Variants in C6orf118 observed in about 807,000 individuals in gnomAD.
C6orf118 encodes the protein uncharacterized protein C6orf118.
A neutral mutation model predicts 50.2 loss-of-function variants in C6orf118; 50 were observed. The observed-to-expected ratio is 1.00, with a 90% CI of 0.79 to 1.26. The LOEUF is 1.26. C6orf118 is among the 50% of genes most tolerant of loss of function. The probability of loss-of-function intolerance (pLI) is 0.00; values close to 1 mark genes in which losing one functional copy is unlikely to be tolerated. For synonymous variants in C6orf118, 239 were observed against 230.9 expected (o/e 1.03, Z -0.32); for missense variants, 641 against 578.7 (o/e 1.11, Z -1.10).
intron 4 of C6orf118, among the ~76,000 whole-genome samples, 193 bp from the exon 5 acceptor site, chr6:165,298,294 G>A (rs953467594): frequency 3.3e-5 from 5 of 152,130 alleles, no homozygotes; most frequent in African/African-American, 9.7e-5. Context: ...TGAAGTTCCC[G>A]GTAAAATACC....
rs1780536869 is a variant in C6orf118, at chr6:165,301,554, G to A, written c.753+15C>T. The stretch of plus-strand genomic sequence containing the variant: ...GAGCTCTTCCCTGAGACCACCGCAG[G>A]GCTGCCCTCCTCACCTGCTGCAGCT... On this transcript the variant is annotated intron_variant, in intron 2 of 8. Coordinates refer to ENST00000230301, the MANE Select transcript of C6orf118 (RefSeq NM_144980.4). The A allele has an allele frequency of 6.2e-7, 1 of 1,602,258 alleles. No homozygotes were observed. The highest frequency in any genetic ancestry group is 1.1e-5 in the South Asian group (1 of 89,264).
intron 5 of C6orf118, among the ~76,000 whole-genome samples, chr6:165,297,079 T>C (rs1583017148): frequency 1.3e-5 from 2 of 152,122 alleles, no homozygotes; most frequent in Non-Finnish European, 2.9e-5. Flanking sequence ...CAAAGCTCCA[T>C]CAGGGGAGGG....
intron 1 of C6orf118, among the ~76,000 whole-genome samples, chr6:165,307,994 C>G (rs1239768418): frequency 4.6e-5 from 7 of 152,216 alleles, no homozygotes; most frequent in Admixed American, 1.3e-4. Context: ...TCTGTTGCCC[C>G]ACGCTGCACT....
At chr6:165,280,641 T>C (rs569494318) in intron 8 of C6orf118, among the ~76,000 whole-genome samples, 1 of 152,306 alleles carries the variant, frequency 6.6e-6, no homozygotes, top group African/African-American at 2.4e-5. Flanking sequence ...GCCAATGAGA[T>C]GTGGGTAGGA....
chr6:165,308,992 G>T (rs1780844423), intron 1 of C6orf118, among the ~76,000 whole-genome samples: 1 of 152,180 alleles, frequency 6.6e-6, no homozygotes, highest in South Asian at 2.1e-4. Flanking sequence ...GGCGGGTGGT[G>T]GGAAAAAGCG....
At chr6:165,285,239 G>A (rs1219890865) in intron 7 of C6orf118, among the ~76,000 whole-genome samples, 2 of 152,080 alleles carry the variant, frequency 1.3e-5, no homozygotes, top group East Asian at 1.9e-4. Flanking sequence ...TAATGGTAAA[G>A]GGTTCAATTG....
chr6:165,297,794 C>T (rs890782840), intron 5 of C6orf118, among the ~76,000 whole-genome samples, 183 bp downstream of exon 5: 9 of 152,198 alleles, frequency 5.9e-5, no homozygotes, highest in African/African-American at 2.2e-4. Flanking sequence ...CCATACTTAG[C>T]AGAATGTCTT....
intron 7 of C6orf118, among the ~76,000 whole-genome samples, chr6:165,283,430 C>T (rs1779798845): frequency 6.6e-6 from 1 of 152,218 alleles, no homozygotes; most frequent in Non-Finnish European, 1.5e-5. Flanking sequence ...AGAGTCTAGT[C>T]AGTCTGCACA....
At chr6:165,300,778 TTCTC>T (rs1008351542) in intron 2 of C6orf118, among the ~76,000 whole-genome samples, 9 of 152,068 alleles carry the variant, frequency 5.9e-5, no homozygotes, top group Admixed American at 5.9e-4. Context: ...CAAAGGCCCT[TTCTC>T]TCTTCCAACC....
chr6:165,297,933 CG>C, intron 5 of C6orf118, 43 bp downstream of exon 5: 2 of 1,611,496 alleles, frequency 1.2e-6, no homozygotes, highest in Non-Finnish European at 1.7e-6. Flanking sequence ...GACCTTGTTA[CG>C]GAAGAATCTA....
At chr6:165,288,419 A>G (rs1280124284) in intron 7 of C6orf118, among the ~76,000 whole-genome samples, 1 of 151,918 alleles carries the variant, frequency 6.6e-6, no homozygotes, top group African/African-American at 2.4e-5. Flanking sequence ...GACCCAGCAA[A>G]CCCAAATCCC....
Position 165,301,599 on chromosome 6 carries a change from C to T in C6orf118, c.723G>A (p.Ala241=), listed in dbSNP as rs1482357631. ...LLKNDFTGSK[A]AAGHERKLQQ... is the part of the protein sequence containing the mutation. Reference sequence around the variant, plus strand: ...GCAGCTTTCTCTCGTGGCCCGCGGCCGCCTTGCTCCCAGTGAAGTCATTCT... The same window carrying T: ...GCAGCTTTCTCTCGTGGCCCGCGGCTGCCTTGCTCCCAGTGAAGTCATTCT... The change falls in exon 2 of 9, where the codon GCG becomes GCA. Residue 241 remains alanine, a synonymous_variant. Coordinates refer to ENST00000230301, the MANE Select transcript of C6orf118 (RefSeq NM_144980.4). 2 of 1,613,658 alleles carry T rather than the reference C, an allele frequency of 1.2e-6. No individual in the cohort carries two copies. The highest frequency in any genetic ancestry group is 1.7e-6 in the Non-Finnish European group (2 of 1,179,802).
intron 6 of C6orf118, among the ~76,000 whole-genome samples, chr6:165,291,717 C>T (rs1282725799): frequency 6.6e-6 from 1 of 152,028 alleles, no homozygotes; most frequent in Non-Finnish European, 1.5e-5. Context: ...ATGCTGGACT[C>T]CAAAGAATAT....
chr6:165,306,919 G>A (rs1387057107), intron 1 of C6orf118, among the ~76,000 whole-genome samples: 1 of 151,950 alleles, frequency 6.6e-6, no homozygotes, highest in East Asian at 1.9e-4. Flanking sequence ...AAAACATTGT[G>A]TGTGTCTGTG....
intron 7 of C6orf118, among the ~76,000 whole-genome samples, chr6:165,289,439 A>T (rs1345798234): frequency 1.3e-5 from 2 of 152,140 alleles, no homozygotes; most frequent in Non-Finnish European, 2.9e-5. Context: ...CTGTTTTTAA[A>T]TTTTTTAACT....
chr6:165,283,446 G>T (rs989286355), intron 7 of C6orf118, among the ~76,000 whole-genome samples: 1 of 152,186 alleles, frequency 6.6e-6, no homozygotes, highest in Admixed American at 6.5e-5. Flanking sequence ...GCACAAGGGG[G>T]ACTCCCCCAA....
At chr6:165,281,568 T>G in intron 8 of C6orf118, 72 bp downstream of exon 8, 1 of 1,457,612 alleles carries the variant, frequency 6.9e-7, no homozygotes, top group South Asian at 1.4e-5. Context: ...TGGTCATGCT[T>G]ATTACACAGG....
At chr6:165,282,805 T>G (rs1411689100) in intron 7 of C6orf118, among the ~76,000 whole-genome samples, 3 of 152,126 alleles carry the variant, frequency 2.0e-5, no homozygotes, top group Non-Finnish European at 1.5e-5. Flanking sequence ...TATAAATTAG[T>G]GATATGGAAT....
At chr6:165,297,208 G>A (rs537899802) in intron 5 of C6orf118, among the ~76,000 whole-genome samples, 1 of 152,110 alleles carries the variant, frequency 6.6e-6, no homozygotes, top group Non-Finnish European at 1.5e-5. Flanking sequence ...ATCACTTGAG[G>A]TCAGGAGTTC....
Sources: allele counts gnomAD v4.1 joint callset (sites outside exome capture counted in the v4.1 genomes callset), GRCh38; gene constraint gnomAD v4.1.1; transcripts MANE v1.5; gene names NCBI Gene and HGNC (gene_info 2026-07-23, HGNC 2026-07-21).